Variants in NF1 observed in about 807,000 individuals in gnomAD.
NF1 encodes the protein neurofibromin.
Under a neutral mutation model 325.7 loss-of-function variants are expected in NF1, and 122 were observed. The observed-to-expected ratio is 0.37, with a 90% confidence interval of 0.32 to 0.44. The LOEUF is 0.44. Ranked by LOEUF, NF1 falls within the 20% of genes least tolerant of loss-of-function variation. NF1 has a pLI of 1.00. For missense variants in NF1, 2,140 were observed against 3,415.4 expected (o/e 0.63, Z 9.31); for synonymous variants, 1,091 against 1,186.0 (o/e 0.92, Z 1.65).
At chr17:31,141,184 T>TGTG (rs1203107232) in intron 1 of NF1, among the ~76,000 whole-genome samples, 3 of 152,200 alleles carry the variant, frequency 2.0e-5, no homozygotes, top group Non-Finnish European at 4.4e-5. Context: ...AGATATCAGC[T>TGTG]TATAAATCTC....
rs1555618802 is a variant in NF1 at position 31,260,370 on chromosome 17, T to G, written c.4432T>G (p.Phe1478Val). ...VKSNFDAARR[F>V]FLDIASDCPT... ...TCTAATGACTTTGCATTTTTGAAGG[T>G]TTTTCCTTGATATAGCATCTGATTG... The change falls in exon 34 of 58, where the codon TTT (phenylalanine) becomes GTT (valine). Residue 1478 changes from phenylalanine (F) to valine (V), a missense_variant and splice_region_variant. Physicochemically the swap from Phe to Val is conservative, Grantham distance 50. Transcript: ENST00000358273. 1 of 1,613,736 alleles carries G rather than the reference T, an allele frequency of 6.2e-7. No homozygotes were observed. Among genetic ancestry groups the G allele is most frequent in the South Asian group, 1.1e-5 (1 of 91,086 alleles).
intron 15 of NF1, 72 bp from the exon 16 acceptor site, chr17:31,223,372 A>T (rs531846498): frequency 1.3e-6 from 2 of 1,559,704 alleles, no homozygotes; most frequent in East Asian, 2.3e-5. Context: ...GGAGAATGCC[A>T]TTCTTATGTC....
intron 5 of NF1, among the ~76,000 whole-genome samples, chr17:31,177,753 C>T (rs559374062): frequency 6.6e-6 from 1 of 151,482 alleles, no homozygotes; most frequent in South Asian, 2.1e-4. Context: ...ATCAATCAAG[C>T]AGAAGAAAGG....
chr17:31,212,492 T>G (rs2143947822), intron 12 of NF1, among the ~76,000 whole-genome samples: 1 of 152,328 alleles, frequency 6.6e-6, no homozygotes, highest in East Asian at 1.9e-4. Flanking sequence ...GTGGATCACC[T>G]GAGATCAGGA....
At chr17:31,246,384 T>C (rs1329683313) in intron 29 of NF1, among the ~76,000 whole-genome samples, 1 of 152,264 alleles carries the variant, frequency 6.6e-6, no homozygotes. Context: ...ATTCATATGC[T>C]GTGCCACACA....
At chr17:31,327,404 G>GTTTT in intron 37 of NF1, 95 bp from the exon 38 acceptor site, 1 of 856,292 alleles carries the variant, frequency 1.2e-6, no homozygotes, top group Non-Finnish European at 1.9e-6. Context: ...ATGGCATAGT[G>GTTTT]TTTTGTTTGG....
chr17:31,347,327 ATGT>A (rs1402017458), intron 48 of NF1, among the ~76,000 whole-genome samples: 1 of 151,788 alleles, frequency 6.6e-6, no homozygotes, highest in Non-Finnish European at 1.5e-5. Flanking sequence ...GTTGAGCAGA[ATGT>A]TGTACTAGCT....
In NF1 at chr17:31,139,375, GACACAC is replaced by G. The variant is rs58863782; in HGVS notation, c.61-16575_61-16570del. On this transcript the variant is annotated intron_variant, in intron 1 of 57. Coordinates refer to ENST00000358273, the MANE Select transcript of NF1 (RefSeq NM_001042492.3). The stretch of plus-strand genomic sequence containing the variant: ...TCTTAGATCTTAAATGTTTTACACA[GACACAC>G]ACACACACACACACACACACACACA... Among the ~76,000 whole-genome samples, 283 of 144,174 alleles carry G rather than the reference GACACAC, an allele frequency of 2.0e-3. 1 individual carries two copies. The highest frequency in any genetic ancestry group is 5.9e-3 in the African/African-American group (234 of 39,442). 94.6% of individuals were successfully genotyped at this position (144,174 alleles called of 152,430 possible). A position where few individuals can be genotyped will look rare whatever the true frequency, so the allele number is the denominator to read the frequency against.
At chr17:31,204,724 C>T (rs1419004332) in intron 11 of NF1, among the ~76,000 whole-genome samples, 5 of 151,848 alleles carry the variant, frequency 3.3e-5, no homozygotes, top group African/African-American at 1.2e-4. Context: ...TATGGGATGC[C>T]TTTCTTAGTT....
intron 55 of NF1, 120 bp downstream of exon 55, chr17:31,358,742 T>G: frequency 7.2e-7 from 1 of 1,386,606 alleles, no homozygotes; most frequent in Non-Finnish European, 1.0e-6. Context: ...TTTATTTCCA[T>G]ATTCCATTTT....
At chr17:31,202,809 A>C (rs2066553720) in intron 11 of NF1, among the ~76,000 whole-genome samples, 1 of 152,222 alleles carries the variant, frequency 6.6e-6, no homozygotes, top group Admixed American at 6.5e-5. Flanking sequence ...CTTAAAAAAA[A>C]TCACTGTACT....
chr17:31,111,384 C>T (rs921015878), intron 1 of NF1, among the ~76,000 whole-genome samples: 2 of 152,020 alleles, frequency 1.3e-5, no homozygotes, highest in Non-Finnish European at 2.9e-5. Context: ...AAGGCATCAA[C>T]CTATAAATTC....
At chr17:31,227,314 A>T in intron 19 of NF1, 23 bp downstream of exon 19, 1 of 1,612,054 alleles carries the variant, frequency 6.2e-7, no homozygotes, top group African/African-American at 1.3e-5. Flanking sequence ...CAACAGAAAC[A>T]CCCCTCCCAG....
chr17:31,322,513 A>C (rs2069234528), intron 36 of NF1, among the ~76,000 whole-genome samples: 1 of 129,414 alleles, frequency 7.7e-6, no homozygotes, highest in Non-Finnish European at 1.5e-5. Flanking sequence ...AAAAAAAAAA[A>C]AAAAAAAAAA....
At chr17:31,280,504 G>A (rs2068096170) in intron 36 of NF1, among the ~76,000 whole-genome samples, 1 of 117,944 alleles carries the variant, frequency 8.5e-6, no homozygotes, top group Non-Finnish European at 1.6e-5. Flanking sequence ...GCGACAGAGT[G>A]AGACTCTGTC....
Position 31,206,377 on chromosome 17 carries a change from A to T in NF1, c.1392+6A>T, listed in dbSNP as rs200798969. The T allele has an allele frequency of 1.1e-4, 181 of 1,613,458 alleles. 1 individual carries two copies. The highest frequency in any genetic ancestry group is 1.5e-4 in the Non-Finnish European group (175 of 1,179,584). ...CAGCAATACGAATGGCACCGGTAAG[A>T]TAAATCACGAATTTTGAATCTCACC... On this transcript the variant is annotated splice_donor_region_variant and intron_variant, in intron 12 of 57. Coordinates refer to ENST00000358273, the MANE Select transcript of NF1 (RefSeq NM_001042492.3).
In NF1 at chr17:31,124,475, T is replaced by G. The variant is rs545480675; in HGVS notation, c.60+29106T>G. On this transcript the variant is annotated intron_variant, in intron 1 of 57. Coordinates refer to ENST00000358273, the MANE Select transcript of NF1 (RefSeq NM_001042492.3). The stretch of plus-strand genomic sequence containing the variant: ...AATATTCTATTATCAGTATGTCAGT[T>G]TATCCATTTCTGGTATAGAGGAACA... 5.9e-5 allele frequency among the ~76,000 whole-genome samples: 9 copies of G among 151,912 alleles called. No individual in the cohort carries two copies. In the South Asian group the frequency reaches 1.9e-3, roughly 32 times the overall value.
chr17:31,369,777 C>CT (rs1300885746), intron 57 of NF1, among the ~76,000 whole-genome samples: 1 of 152,294 alleles, frequency 6.6e-6, no homozygotes, highest in Admixed American at 6.5e-5. Context: ...ATCAGATAAT[C>CT]TGAGAGTTTT....
At chr17:31,318,846 A>G (rs781729514) in intron 36 of NF1, 6 of 1,614,028 alleles carry the variant, frequency 3.7e-6, no homozygotes, top group Middle Eastern at 1.6e-4. Flanking sequence ...TAATGTTTTC[A>G]TTTTGGTTTC....
Sources: allele counts gnomAD v4.1 joint callset (sites outside exome capture counted in the v4.1 genomes callset), GRCh38; gene constraint gnomAD v4.1.1; transcripts MANE v1.5; gene names NCBI Gene and HGNC (gene_info 2026-07-23, HGNC 2026-07-21).